The following GABRG3 variants were observed in gnomAD, a reference collection of about 807,000 sequenced individuals.
GABRG3 encodes gamma-aminobutyric acid receptor subunit gamma-3.
A neutral mutation model predicts 48.8 loss-of-function variants in GABRG3; 25 were observed. The observed-to-expected ratio is 0.51, with a 90% CI of 0.37 to 0.72. The LOEUF (loss-of-function observed/expected upper bound fraction) is 0.72, where lower values mean the gene tolerates loss of function less well. Ranked by LOEUF, GABRG3 falls within the 30% of genes least tolerant of loss-of-function variation. The pLI is 0.00. For synonymous variants in GABRG3, 227 were observed against 217.6 expected (o/e 1.04, Z -0.38); for missense variants, 394 against 577.9 (o/e 0.68, Z 3.26).
In GABRG3 at chr15:26,976,930, T is replaced by G; in HGVS notation, c.54-72T>G. ...TTCTACCCATTTCATGGTACTTGGA[T>G]AGGACAAACTTAGGCTCTTCCTAGA... is the stretch of plus-strand genomic sequence containing the variant. On this transcript the variant is annotated intron_variant, in intron 1 of 9. Transcript: ENST00000615808. The surrounding 1 kb of genome is among the most constrained non-coding windows in gnomAD (Gnocchi z 7.8). 2 of 1,528,276 alleles carry G rather than the reference T, an allele frequency of 1.3e-6. No homozygotes were observed. Among genetic ancestry groups the G allele is most frequent in the Non-Finnish European group, 1.8e-6 (2 of 1,109,088 alleles). The allele number at this position is 1,528,276 out of a possible 1,614,324, so 94.7% of individuals were successfully genotyped here. A position where few individuals can be genotyped will look rare whatever the true frequency, so the allele number is the denominator to read the frequency against.
chr15:27,298,342 G>A (rs1892072776), intron 3 of GABRG3, among the ~76,000 whole-genome samples: 1 of 152,124 alleles, frequency 6.6e-6, no homozygotes, highest in African/African-American at 2.4e-5. Flanking sequence ...CCAAAATCAA[G>A]GACGTGCCTG....
At chr15:27,340,901 T>G (rs1300308691) in intron 5 of GABRG3, 2 of 456,364 alleles carry the variant, frequency 4.4e-6, no homozygotes, top group African/African-American at 2.0e-5. Flanking sequence ...TTATGTACTT[T>G]TGTGCAGCAT....
intron 3 of GABRG3, among the ~76,000 whole-genome samples, chr15:27,201,779 G>A (rs1359337389): frequency 6.6e-6 from 1 of 152,114 alleles, no homozygotes; most frequent in African/African-American, 2.4e-5. Context: ...AATAATTGTA[G>A]ATATAAAAGT....
intron 5 of GABRG3, among the ~76,000 whole-genome samples, chr15:27,472,849 C>G (rs548663835): frequency 6.6e-6 from 1 of 152,124 alleles, no homozygotes; most frequent in African/African-American, 2.4e-5. Context: ...TATATTTTAG[C>G]TTAATCAGTG....
At chr15:27,148,763 A>G (rs1898256837) in intron 3 of GABRG3, among the ~76,000 whole-genome samples, 1 of 152,038 alleles carries the variant, frequency 6.6e-6, no homozygotes, top group Non-Finnish European at 1.5e-5. Context: ...AATCATCTCT[A>G]TGGGCAGAAA....
Position 27,269,816 on chromosome 15 carries a change from C to T in GABRG3, c.271-56993C>T, listed in dbSNP as rs568719137. On this transcript the variant is annotated intron_variant, in intron 3 of 9. Coordinates refer to ENST00000615808, the MANE Select transcript of GABRG3 (RefSeq NM_033223.5). Reference sequence around the variant, plus strand: ...GGTGATGGGCAGCCGAATGATCTTTCATTGTTAATTTTCATATATATATAT... The same window carrying T: ...GGTGATGGGCAGCCGAATGATCTTTTATTGTTAATTTTCATATATATATAT... Among the ~76,000 whole-genome samples, 16 of 152,198 alleles carry T rather than the reference C, an allele frequency of 1.1e-4. No homozygotes were observed. The South Asian group carries it at 3.1e-3, about 30-fold the overall frequency.
intron 3 of GABRG3, among the ~76,000 whole-genome samples, chr15:27,258,025 GAACA>G (rs963362103): frequency 3.9e-5 from 6 of 152,104 alleles, no homozygotes; most frequent in African/African-American, 9.7e-5. Context: ...TATATTTAAA[GAACA>G]ATCAAGTGAT....
At chr15:27,086,920 C>A (rs1375520970) in intron 3 of GABRG3, among the ~76,000 whole-genome samples, 1 of 152,202 alleles carries the variant, frequency 6.6e-6, no homozygotes, top group African/African-American at 2.4e-5. Flanking sequence ...GGATGCAGGA[C>A]AAGGGCAGGG....
chr15:27,062,919 C>T (rs1354217001), intron 3 of GABRG3, among the ~76,000 whole-genome samples: 1 of 152,046 alleles, frequency 6.6e-6, no homozygotes, highest in Non-Finnish European at 1.5e-5. Context: ...TGGATTTGGC[C>T]AAAATTATAT....
rs528555671 is a variant in GABRG3 at position 27,012,576 on chromosome 15, C to G, written c.203-14178C>G. The stretch of plus-strand genomic sequence containing the variant: ...ACATTAGATGTTACTGGGTTGTGTG[C>G]TTTTTCAAGGCTGTATTAACTCTAT... On this transcript the variant is annotated intron_variant, in intron 2 of 9. Transcript: ENST00000615808. Among the ~76,000 whole-genome samples the G allele has an allele frequency of 2.0e-5, 3 of 152,056 alleles. No individual in the cohort carries two copies. In the South Asian group the frequency reaches 6.2e-4, roughly 32 times the overall value.
chr15:27,329,651 T>C (rs1439975264), intron 5 of GABRG3, among the ~76,000 whole-genome samples: 2 of 152,240 alleles, frequency 1.3e-5, no homozygotes, highest in African/African-American at 4.8e-5. Context: ...ATTTGTCTCA[T>C]TGAACCATTG....
At chr15:27,077,203 C>G (rs898619413) in intron 3 of GABRG3, among the ~76,000 whole-genome samples, 1 of 152,084 alleles carries the variant, frequency 6.6e-6, no homozygotes, top group African/African-American at 2.4e-5. Context: ...TAGGGAGCAC[C>G]CTGCATGCCC....
chr15:27,216,856 C>G (rs941273751), intron 3 of GABRG3, among the ~76,000 whole-genome samples: 12 of 142,386 alleles, frequency 8.4e-5, no homozygotes, highest in African/African-American at 2.9e-4. Context: ...ATACATGTGC[C>G]ATGCTGGTGC....
At chr15:27,189,297 G>T (rs992779519) in intron 3 of GABRG3, among the ~76,000 whole-genome samples, 4 of 150,978 alleles carry the variant, frequency 2.6e-5, no homozygotes, top group African/African-American at 9.7e-5. Flanking sequence ...GGATGGCATT[G>T]AATCTATAAA....
At chr15:27,395,977 C>T (rs1887285743) in intron 5 of GABRG3, among the ~76,000 whole-genome samples, 1 of 152,144 alleles carries the variant, frequency 6.6e-6, no homozygotes, top group Admixed American at 6.5e-5. Flanking sequence ...CCTCCCACCT[C>T]AGCCTCCCAC....
chr15:27,274,556 A>C (rs536176179), intron 3 of GABRG3, among the ~76,000 whole-genome samples: 1 of 152,292 alleles, frequency 6.6e-6, no homozygotes, highest in East Asian at 1.9e-4. Flanking sequence ...AACTGTACCA[A>C]GCCCAGTGGC....
chr15:27,526,196 A>T (rs914568097), intron 7 of GABRG3, among the ~76,000 whole-genome samples: 3 of 152,156 alleles, frequency 2.0e-5, no homozygotes, highest in African/African-American at 7.2e-5. Flanking sequence ...TTTTCAGGTG[A>T]TACTCTTTAC....
At chr15:27,131,169 G>A (rs1313234781) in intron 3 of GABRG3, among the ~76,000 whole-genome samples, 1 of 151,952 alleles carries the variant, frequency 6.6e-6, no homozygotes, top group Non-Finnish European at 1.5e-5. Flanking sequence ...GTTGCCAGCG[G>A]GTTTTTATAC....
intron 5 of GABRG3, among the ~76,000 whole-genome samples, chr15:27,389,121 A>G (rs1896144256): frequency 6.6e-6 from 1 of 152,244 alleles, no homozygotes; most frequent in Non-Finnish European, 1.5e-5. Context: ...GGAAGTGTGT[A>G]TATAATGTAA....
Sources: gnomAD v4.1 joint callset for allele counts (sites outside exome capture counted in the v4.1 genomes callset) on GRCh38, gnomAD v4.1.1 for gene constraint, Gnocchi (gnomAD v3.1) non-coding constraint, MANE v1.5 for transcripts, NCBI Gene and HGNC (gene_info 2026-07-23, HGNC 2026-07-21) for gene names.